The following NRXN3 variants were observed in gnomAD, a reference collection of about 807,000 sequenced individuals.
The protein encoded by NRXN3 is neurexin III.
A neutral mutation model predicts 137.6 loss-of-function variants in NRXN3; 32 were observed. That is an observed-to-expected ratio of 0.23 (90% CI 0.18 to 0.31). NRXN3 has a LOEUF of 0.31. NRXN3 is among the 10% of genes least tolerant of loss of function. NRXN3 has a pLI of 1.00. For synonymous variants in NRXN3, 798 were observed against 784.5 expected (o/e 1.02, Z -0.29); for missense variants, 1,574 against 2,062.5 (o/e 0.76, Z 4.59).
At position 79,862,046 on chromosome 14, in the gene NRXN3, G is replaced by A; in HGVS notation, c.*82G>A. On this transcript the variant is annotated 3_prime_UTR_variant, in exon 21 of 21. Transcript: ENST00000335750. ...AATCTTTGGACGGTGAGATCTCACAGATGTCAGAACTGCTGGAACTATGAA... is the reference window on the plus strand; with the variant it reads ...AATCTTTGGACGGTGAGATCTCACAAATGTCAGAACTGCTGGAACTATGAA... The A allele has an allele frequency of 1.6e-6, 2 of 1,216,028 alleles. No homozygotes were observed. Among genetic ancestry groups the A allele is most frequent in the Non-Finnish European group, 2.3e-6 (2 of 868,672 alleles). 75.3% of individuals were successfully genotyped at this position (1,216,028 alleles called of 1,614,324 possible).
intron 10 of NRXN3, among the ~76,000 whole-genome samples, chr14:78,916,899 G>A (rs2099256762): frequency 6.6e-6 from 1 of 152,188 alleles, no homozygotes; most frequent in African/African-American, 2.4e-5. Flanking sequence ...TTAGATGGCT[G>A]TCTTCTCCCT....
At chr14:78,703,539 G>T (rs2098312117) in intron 6 of NRXN3, 2 of 152,172 alleles carry the variant, frequency 1.3e-5, no homozygotes, top group African/African-American at 2.4e-5. Context: ...TATTGTCAAA[G>T]GATTAAATTT....
chr14:79,810,123 C>G (rs933422213), intron 20 of NRXN3, among the ~76,000 whole-genome samples: 2 of 151,952 alleles, frequency 1.3e-5, no homozygotes, highest in Admixed American at 6.6e-5. Context: ...TAGATATGAT[C>G]AACTTCCTGG....
intron 16 of NRXN3, among the ~76,000 whole-genome samples, chr14:79,599,259 C>G (rs1196585771): frequency 6.6e-6 from 1 of 152,140 alleles, no homozygotes; most frequent in African/African-American, 2.4e-5. Context: ...TCCTTGAACT[C>G]ATTTGAAGAT....
intron 15 of NRXN3, among the ~76,000 whole-genome samples, chr14:79,203,660 A>G (rs1049391326): frequency 6.6e-6 from 1 of 152,162 alleles, no homozygotes; most frequent in African/African-American, 2.4e-5. Context: ...TGGATTTTGG[A>G]TTCAAAATGT....
intron 4 of NRXN3, among the ~76,000 whole-genome samples, chr14:78,618,957 T>C (rs191039516): frequency 1.8e-4 from 28 of 152,364 alleles, no homozygotes; most frequent in Non-Finnish European, 3.5e-4. Context: ...CCTGTGACTT[T>C]ATGTATGACC....
intron 2 of NRXN3, among the ~76,000 whole-genome samples, chr14:78,265,723 C>T (rs953315078): frequency 1.3e-5 from 2 of 152,158 alleles, no homozygotes; most frequent in Admixed American, 6.5e-5. Context: ...TGCAGATGAC[C>T]TCAATTCTGA....
At chr14:78,664,064 C>T (rs1453820696) in intron 6 of NRXN3, among the ~76,000 whole-genome samples, 2 of 152,164 alleles carry the variant, frequency 1.3e-5, no homozygotes, top group Non-Finnish European at 2.9e-5. Context: ...TACAAGGACA[C>T]ATTTTTCACT....
intron 8 of NRXN3, among the ~76,000 whole-genome samples, chr14:78,757,079 A>G (rs902477706): frequency 6.6e-6 from 1 of 152,136 alleles, no homozygotes; most frequent in African/African-American, 2.4e-5. Flanking sequence ...CTGAATCTTA[A>G]GACTGATGGT....
chr14:78,677,820 C>T (rs1372911774), intron 6 of NRXN3, among the ~76,000 whole-genome samples: 3 of 152,142 alleles, frequency 2.0e-5, no homozygotes, highest in Non-Finnish European at 4.4e-5. Context: ...ATTCAGTAAC[C>T]ACTAGCCTGA....
At chr14:78,441,183 A>G (rs1235718915) in intron 4 of NRXN3, among the ~76,000 whole-genome samples, 48 of 152,104 alleles carry the variant, frequency 3.2e-4, no homozygotes, top group Non-Finnish European at 1.2e-4. Context: ...TCCCCTTACC[A>G]TGGTTGATTT....
At chr14:79,820,237 G>T (rs572425162) in intron 20 of NRXN3, among the ~76,000 whole-genome samples, 12 of 152,246 alleles carry the variant, frequency 7.9e-5, no homozygotes, top group Non-Finnish European at 1.5e-4. Context: ...TGAATGAGGA[G>T]GACACAATGG....
At chr14:79,034,395 AAC>A (rs2099612804) in intron 15 of NRXN3, among the ~76,000 whole-genome samples, 1 of 87,792 alleles carries the variant, frequency 1.1e-5, no homozygotes, top group South Asian at 3.4e-4. Context: ...TTGGAAAAAA[AAC>A]ATGTTAAGAG....
intron 4 of NRXN3, among the ~76,000 whole-genome samples, chr14:78,340,105 G>A (rs958115877): frequency 1.3e-5 from 2 of 152,180 alleles, no homozygotes; most frequent in African/African-American, 4.8e-5. Flanking sequence ...TTCTGGGAGA[G>A]AATCATGCCT....
At chr14:79,534,823 G>A (rs2097197943) in intron 16 of NRXN3, among the ~76,000 whole-genome samples, 1 of 152,152 alleles carries the variant, frequency 6.6e-6, no homozygotes, top group African/African-American at 2.4e-5. Context: ...AATGAATCAG[G>A]AAATGTCCTG....
intron 20 of NRXN3, among the ~76,000 whole-genome samples, chr14:79,857,564 A>G (rs2099405463): frequency 6.7e-6 from 1 of 148,988 alleles, no homozygotes; most frequent in Non-Finnish European, 1.5e-5. Context: ...TAGGAGAAAT[A>G]CATCACTTTC....
chr14:78,298,276 C>T (rs994605789), intron 4 of NRXN3, among the ~76,000 whole-genome samples: 4 of 152,224 alleles, frequency 2.6e-5, no homozygotes, highest in Non-Finnish European at 5.9e-5. Flanking sequence ...TGGGCTCCTC[C>T]CTGAATTTCC....
intron 17 of NRXN3, among the ~76,000 whole-genome samples, chr14:79,688,013 A>T (rs1181337393): frequency 6.7e-6 from 1 of 149,474 alleles, no homozygotes; most frequent in Non-Finnish European, 1.5e-5. Context: ...TTGGAAGATG[A>T]CTTTTGTGGG....
At chr14:79,764,564 T>A (rs1298635140) in intron 19 of NRXN3, among the ~76,000 whole-genome samples, 1 of 152,156 alleles carries the variant, frequency 6.6e-6, no homozygotes, top group East Asian at 1.9e-4. Context: ...TGCAGCTACA[T>A]TTAAGGTCAC....
Sources: allele counts gnomAD v4.1 joint callset (sites outside exome capture counted in the v4.1 genomes callset), GRCh38; gene constraint gnomAD v4.1.1; transcripts MANE v1.5; gene names NCBI Gene and HGNC (gene_info 2026-07-23, HGNC 2026-07-21).